Variants in FYN observed in about 807,000 individuals in gnomAD.
FYN encodes the protein FYN proto-oncogene, Src family tyrosine kinase.
Under a neutral mutation model 70.2 loss-of-function variants are expected in FYN, and 10 were observed. The observed-to-expected ratio is 0.14, with a 90% CI of 0.09 to 0.24. The LOEUF (loss-of-function observed/expected upper bound fraction) is 0.24, where lower values mean the gene tolerates loss of function less well. FYN is among the 10% of genes least tolerant of loss of function. FYN has a pLI of 1.00. For synonymous variants in FYN, 236 were observed against 248.6 expected (o/e 0.95, Z 0.48); for missense variants, 319 against 673.1 (o/e 0.47, Z 5.82).
At position 111,696,374 on chromosome 6, in the gene FYN, C is replaced by G; in HGVS notation, c.945G>C (p.Ala315=). 6.2e-7 allele frequency: 1 copy of G among 1,613,726 alleles called. No individual in the cohort carries two copies. Among genetic ancestry groups the G allele is most frequent in the Non-Finnish European group, 8.5e-7 (1 of 1,179,852 alleles). The change falls in exon 10 of 14, where the codon GCG becomes GCC. Residue 315 remains alanine, a synonymous_variant. Coordinates refer to ENST00000354650, the MANE Select transcript of FYN (RefSeq NM_002037.5). ...CGTGCTTCAGCTTCTTCATGATCTG[C>G]GCTTCCTCAAGGAATGATTCGGGGG... ...TMSPESFLEE[A]QIMKKLKHDK... is the part of the protein sequence containing the mutation.
At position 111,823,512 on chromosome 6, in the gene FYN, C is replaced by CT. The variant is rs111483352; in HGVS notation, c.-82+23076dup. Among the ~76,000 whole-genome samples, 629 of 152,214 alleles carry CT rather than the reference C, an allele frequency of 4.1e-3. 1 individual carries two copies. Among genetic ancestry groups the CT allele is most frequent in the African/African-American group, 0.014 (596 of 41,522 alleles). On this transcript the variant is annotated intron_variant, in intron 2 of 13. Transcript: ENST00000354650. ...AAAATGTCAGGCAAAAAATTTTATA[C>CT]TTTTTTCCCCCTTTTATAAAGAATG...
At chr6:111,776,602 C>T (rs1269837106) in intron 3 of FYN, among the ~76,000 whole-genome samples, 1 of 152,168 alleles carries the variant, frequency 6.6e-6, no homozygotes, top group African/African-American at 2.4e-5. Flanking sequence ...GAGAATATTA[C>T]ACCACAGCTT....
intron 3 of FYN, among the ~76,000 whole-genome samples, chr6:111,761,532 G>A (rs923110145): frequency 6.6e-6 from 1 of 152,182 alleles, no homozygotes; most frequent in Non-Finnish European, 1.5e-5. Context: ...CAGTAGGAAA[G>A]GTTGTTATTG....
At chr6:111,673,619 A>ATCGTTTTTTTTTTTTTT (rs1554272175) in intron 13 of FYN, among the ~76,000 whole-genome samples, 3 of 65,006 alleles carry the variant, frequency 4.6e-5, no homozygotes, top group Non-Finnish European at 6.5e-5. Flanking sequence ...CGTTTCTATC[A>ATCGTTTTTTTTTTTTTT]TTGTTTTTTT....
chr6:111,835,081 T>C (rs905204316), intron 2 of FYN, among the ~76,000 whole-genome samples: 3 of 152,232 alleles, frequency 2.0e-5, no homozygotes, highest in Admixed American at 6.5e-5. Context: ...ATTTCAGGAA[T>C]GTTTATTCTA....
rs996679025 is a variant in FYN, at chr6:111,694,253, G to A, written c.1273+122C>T. The A allele has an allele frequency of 7.6e-7, 1 of 1,314,604 alleles. No individual in the cohort carries two copies. The highest frequency in any genetic ancestry group is 1.5e-5 in the African/African-American group (1 of 68,936). 81.4% of individuals were successfully genotyped at this position (1,314,604 alleles called of 1,614,324 possible). On this transcript the variant is annotated intron_variant, in intron 12 of 13. Transcript: ENST00000354650. The surrounding 1 kb of genome is among the most constrained non-coding windows in gnomAD (Gnocchi z 5.0). Reference sequence around the variant, plus strand: ...TGCCAGATCAAGGTGTCCAAACCAAGCTGAAGAATGACATTTCAAGTATTT... The same window carrying A: ...TGCCAGATCAAGGTGTCCAAACCAAACTGAAGAATGACATTTCAAGTATTT...
At chr6:111,797,603 A>C (rs1367632654) in intron 2 of FYN, among the ~76,000 whole-genome samples, 1 of 148,448 alleles carries the variant, frequency 6.7e-6, no homozygotes, top group African/African-American at 2.4e-5. Flanking sequence ...ATTCAATTAC[A>C]TTAGAAAACA....
Position 111,700,744 on chromosome 6 carries a change from C to A in FYN, c.698-476G>T, listed in dbSNP as rs192953049. 2.0e-5 allele frequency among the ~76,000 whole-genome samples: 3 copies of A among 152,240 alleles called. No individual in the cohort carries two copies. The East Asian group carries it at 5.8e-4, about 29-fold the overall frequency. Reference sequence around the variant, plus strand: ...ATGTCAATATGACTGTTCTTCCCCACCTTTAGTATCTAGATTACCCAGGGG... The same window carrying A: ...ATGTCAATATGACTGTTCTTCCCCAACTTTAGTATCTAGATTACCCAGGGG... On this transcript the variant is annotated intron_variant, in intron 8 of 13. Transcript: ENST00000354650.
intron 2 of FYN, among the ~76,000 whole-genome samples, chr6:111,832,511 C>T (rs572786966): frequency 6.6e-6 from 1 of 152,168 alleles, no homozygotes; most frequent in African/African-American, 2.4e-5. Context: ...TTCTTCCTAT[C>T]CAATCTTCAC....
At chr6:111,826,352 A>G (rs959699892) in intron 2 of FYN, among the ~76,000 whole-genome samples, 4 of 152,202 alleles carry the variant, frequency 2.6e-5, no homozygotes, top group Middle Eastern at 3.4e-3. Flanking sequence ...GTGCACTTCT[A>G]TATATGTGTA....
At chr6:111,744,628 T>C (rs1025277189) in intron 3 of FYN, among the ~76,000 whole-genome samples, 2 of 152,196 alleles carry the variant, frequency 1.3e-5, no homozygotes, top group Non-Finnish European at 2.9e-5. Context: ...GCATTATCAC[T>C]AACCAGATGT....
chr6:111,722,311 C>T (rs1157223586), intron 3 of FYN, among the ~76,000 whole-genome samples: 2 of 152,200 alleles, frequency 1.3e-5, no homozygotes, highest in Non-Finnish European at 2.9e-5. Context: ...CCGTGCCCAA[C>T]ATGCTTTGTA....
chr6:111,702,812 C>T, intron 8 of FYN, 73 bp downstream of exon 8: 1 of 1,460,784 alleles, frequency 6.8e-7, no homozygotes, highest in Non-Finnish European at 9.4e-7. Context: ...TACCCCTTTC[C>T]ACTTTCCTGC....
At chr6:111,684,239 A>C (rs1798896560) in intron 12 of FYN, among the ~76,000 whole-genome samples, 1 of 152,204 alleles carries the variant, frequency 6.6e-6, no homozygotes, top group Admixed American at 6.5e-5. Flanking sequence ...AAGGAGTGGA[A>C]GGTGGGCCCG....
chr6:111,754,028 T>C (rs1562506219), intron 3 of FYN, among the ~76,000 whole-genome samples: 1 of 152,178 alleles, frequency 6.6e-6, no homozygotes, highest in East Asian at 1.9e-4. Flanking sequence ...AAGCTACACT[T>C]ACCCATTCTA....
chr6:111,749,607 T>A (rs2128485691), intron 3 of FYN, among the ~76,000 whole-genome samples: 1 of 152,354 alleles, frequency 6.6e-6, no homozygotes, highest in Middle Eastern at 3.4e-3. Flanking sequence ...TTTCTTTTCA[T>A]GTTCAAAGCA....
chr6:111,781,691 C>G (rs1213327020), intron 2 of FYN, among the ~76,000 whole-genome samples: 6 of 152,182 alleles, frequency 3.9e-5, no homozygotes, highest in South Asian at 2.1e-4. Flanking sequence ...GGCAGGGGCT[C>G]TTTACCTTTT....
At chr6:111,672,097 C>T (rs989328687) in intron 13 of FYN, among the ~76,000 whole-genome samples, 2 of 152,208 alleles carry the variant, frequency 1.3e-5, no homozygotes, top group Admixed American at 6.5e-5. Context: ...CGCAGGCTCT[C>T]GGCCACCCTT....
At chr6:111,788,223 G>A (rs996486521) in intron 2 of FYN, among the ~76,000 whole-genome samples, 1 of 152,140 alleles carries the variant, frequency 6.6e-6, no homozygotes, top group African/African-American at 2.4e-5. Context: ...AAGGAAAATG[G>A]CCAGGTCCTT....
Sources: allele counts gnomAD v4.1 joint callset (sites outside exome capture counted in the v4.1 genomes callset), GRCh38; gene constraint gnomAD v4.1.1; non-coding constraint Gnocchi (gnomAD v3.1); transcripts MANE v1.5; gene names NCBI Gene and HGNC (gene_info 2026-07-23, HGNC 2026-07-21).